Variants in FKBP1A observed in about 807,000 individuals in gnomAD.
The protein encoded by FKBP1A is FKBP prolyl isomerase 1A.
In FKBP1A, 5 loss-of-function variants were observed where a neutral mutation model predicts 14.2. The observed-to-expected ratio is 0.35, with a 90% CI of 0.18 to 0.74. The LOEUF (loss-of-function observed/expected upper bound fraction) is 0.74, where lower values mean the gene tolerates loss of function less well. Among genes scored for constraint, FKBP1A ranks in the 30% least tolerant of loss-of-function variants. FKBP1A has a pLI of 0.56. For synonymous variants in FKBP1A, 42 were observed against 49.1 expected (o/e 0.86, Z 0.60); for missense variants, 53 against 138.8 (o/e 0.38, Z 3.10).
chr20:1,386,296 G>A lies in FKBP1A; in HGVS notation c.85+6538C>T, dbSNP rs934035855. On this transcript the variant is annotated intron_variant, in intron 2 of 4. Coordinates refer to ENST00000400137, the MANE Select transcript of FKBP1A (RefSeq NM_000801.5). This position sits in a 1 kb window ranked among gnomAD's most constrained non-coding sequence, Gnocchi z 4.7. ...ATTGTAACTGACCACTCCCTACAGG[G>A]TAAGCTTCTTGAGGGCAACATTGAG... is the stretch of plus-strand genomic sequence containing the variant. Among the ~76,000 whole-genome samples, 2 of 152,190 alleles carry A rather than the reference G, an allele frequency of 1.3e-5. No individual in the cohort carries two copies. Among genetic ancestry groups the A allele is most frequent in the African/African-American group, 4.8e-5 (2 of 41,442 alleles).
chr20:1,381,394 C>T (rs1481203723), intron 2 of FKBP1A, among the ~76,000 whole-genome samples: 2 of 152,154 alleles, frequency 1.3e-5, no homozygotes, highest in Non-Finnish European at 2.9e-5. Flanking sequence ...ACGCATCTAC[C>T]ACCACTGATT....
intron 2 of FKBP1A, among the ~76,000 whole-genome samples, chr20:1,389,460 A>G (rs932458131): frequency 6.6e-6 from 1 of 152,074 alleles, no homozygotes; most frequent in Non-Finnish European, 1.5e-5. Flanking sequence ...AGCAGAGGAG[A>G]GGGGGGAACA....
At chr20:1,381,649 G>A (rs577424897) in intron 2 of FKBP1A, among the ~76,000 whole-genome samples, 5 of 152,308 alleles carry the variant, frequency 3.3e-5, no homozygotes, top group South Asian at 2.1e-4. Flanking sequence ...ATTTATTAGC[G>A]ATAGTCAAAA....
chr20:1,391,780 G>C (rs954402306), intron 2 of FKBP1A: 3 of 396,910 alleles, frequency 7.6e-6, no homozygotes, highest in African/African-American at 6.2e-5. Context: ...GGGAGGAGGA[G>C]GGGGAACAGA....
chr20:1,369,980 G>GATGT lies in FKBP1A; in HGVS notation c.*125_*128dup. ...TGACAGAACACATTCAGTCAGGGCA[G>GATGT]ATGTCTATACAAAGTGGAGTGGAAC... On this transcript the variant is annotated 3_prime_UTR_variant, in exon 5 of 5. Coordinates refer to ENST00000400137, the MANE Select transcript of FKBP1A (RefSeq NM_000801.5). 1 of 1,541,018 alleles carries GATGT rather than the reference G, an allele frequency of 6.5e-7. No individual in the cohort carries two copies. The highest frequency in any genetic ancestry group is 1.4e-5 in the African/African-American group (1 of 72,860).
intron 2 of FKBP1A, among the ~76,000 whole-genome samples, chr20:1,383,100 C>CTA (rs2089634264): frequency 6.6e-6 from 1 of 152,168 alleles, no homozygotes; most frequent in South Asian, 2.1e-4. Context: ...CACTGGGATA[C>CTA]TATTTCACTA....
chr20:1,370,103 A>G, intron 4 of FKBP1A, 31 bp from the exon 5 acceptor site: 4 of 1,543,728 alleles, frequency 2.6e-6, no homozygotes, highest in Non-Finnish European at 3.5e-6. Flanking sequence ...GTGAGTTTCC[A>G]GCAACTCAGT....
intron 2 of FKBP1A, among the ~76,000 whole-genome samples, chr20:1,391,324 T>A (rs1485818009): frequency 6.6e-6 from 1 of 152,142 alleles, no homozygotes; most frequent in African/African-American, 2.4e-5. Flanking sequence ...ATCCTTCCGA[T>A]GACAAATCAC....
chr20:1,391,549 C>T (rs1214282151), intron 2 of FKBP1A: 1 of 397,280 alleles, frequency 2.5e-6, no homozygotes, highest in Non-Finnish European at 4.4e-6. Flanking sequence ...CCATTTCTAC[C>T]CACGGGGAAG....
intron 2 of FKBP1A, among the ~76,000 whole-genome samples, chr20:1,390,033 A>G (rs1471581480): frequency 6.6e-6 from 1 of 152,154 alleles, no homozygotes; most frequent in Admixed American, 6.5e-5. Flanking sequence ...AAGGTCACGG[A>G]AGTCACCAGA....
chr20:1,389,462 G>A (rs144133074), intron 2 of FKBP1A, among the ~76,000 whole-genome samples: 9 of 152,226 alleles, frequency 5.9e-5, no homozygotes, highest in African/African-American at 1.9e-4. Flanking sequence ...CAGAGGAGAG[G>A]GGGGAACAAA....
At position 1,386,203 on chromosome 20, in the gene FKBP1A, C is replaced by A. The variant is rs915416430; in HGVS notation, c.85+6631G>T. ...CTCCTGCCTGACTGCACCATACACA[C>A]CCAAGACCAAATGGCACTTCCTCCA... On this transcript the variant is annotated intron_variant, in intron 2 of 4. Transcript: ENST00000400137. This position sits in a 1 kb window ranked among gnomAD's most constrained non-coding sequence, Gnocchi z 4.7. Among the ~76,000 whole-genome samples the A allele has an allele frequency of 2.6e-5, 4 of 152,220 alleles. No homozygotes were observed. The highest frequency in any genetic ancestry group is 9.6e-5 in the African/African-American group (4 of 41,464).
intron 2 of FKBP1A, chr20:1,377,193 A>C (rs2089555941): frequency 6.6e-6 from 1 of 152,258 alleles, no homozygotes; most frequent in African/African-American, 2.4e-5. Context: ...AACCTAAAAA[A>C]CAGTGTCAAC....
chr20:1,392,303 C>A (rs897151283), intron 2 of FKBP1A, among the ~76,000 whole-genome samples: 4 of 152,184 alleles, frequency 2.6e-5, no homozygotes, highest in Admixed American at 6.5e-5. Context: ...GGATGTTTCC[C>A]CACCCTAGGC....
chr20:1,375,056 C>T (rs1290591291), intron 3 of FKBP1A, among the ~76,000 whole-genome samples: 4 of 152,098 alleles, frequency 2.6e-5, no homozygotes, highest in Non-Finnish European at 2.9e-5. Context: ...AGGCTGGTCT[C>T]GAACTCCGGA....
In FKBP1A at chr20:1,391,828, G is replaced by A. The variant is rs1415781197; in HGVS notation, c.85+1006C>T. 3 of 392,430 alleles carry A rather than the reference G, an allele frequency of 7.6e-6. No individual in the cohort carries two copies. In the Admixed American group the frequency reaches 1.3e-4, roughly 17 times the overall value. The allele number at this position is 392,430 out of a possible 1,614,324, so 24.3% of individuals were successfully genotyped here. ...AAGGTTGAGAAAGGGGAAGGAGGAG[G>A]GGGAGGGAAGGTTATTCGTATCAAC... On this transcript the variant is annotated intron_variant, in intron 2 of 4. Transcript: ENST00000400137.
intron 3 of FKBP1A, chr20:1,375,220 G>C (rs1392144975): frequency 3.2e-5 from 18 of 571,210 alleles, no homozygotes; most frequent in African/African-American, 1.9e-5. Flanking sequence ...TAGTGGTATT[G>C]CAAGTGTCAA....
Position 1,379,713 on chromosome 20 carries a change from G to A in FKBP1A, c.86-4110C>T, listed in dbSNP as rs2089595652. On this transcript the variant is annotated intron_variant, in intron 2 of 4. Transcript: ENST00000400137. This position sits in a 1 kb window ranked among gnomAD's most constrained non-coding sequence, Gnocchi z 4.3. Reference sequence around the variant, plus strand: ...AGGGTTGGGTGGTGGCAGTGATGTTGGGGTTCCTTGAGTCCAAGGAGAGGA... The same window carrying A: ...AGGGTTGGGTGGTGGCAGTGATGTTAGGGTTCCTTGAGTCCAAGGAGAGGA... Among the ~76,000 whole-genome samples the A allele has an allele frequency of 6.6e-6, 1 of 152,144 alleles. No individual in the cohort carries two copies. Among genetic ancestry groups the A allele is most frequent in the African/African-American group, 2.4e-5 (1 of 41,430 alleles).
rs2089593612 is a variant in FKBP1A, at chr20:1,379,522, T to TA, written c.86-3920dup. On this transcript the variant is annotated intron_variant, in intron 2 of 4. Coordinates refer to ENST00000400137, the MANE Select transcript of FKBP1A (RefSeq NM_000801.5). This position sits in a 1 kb window ranked among gnomAD's most constrained non-coding sequence, Gnocchi z 4.3. The stretch of plus-strand genomic sequence containing the variant: ...AAAGCCAGGAAGCAGGATTTCTAAG[T>TA]AAAGGAGCTTTAAACAGGACCTTTG... Among the ~76,000 whole-genome samples the TA allele has an allele frequency of 6.6e-6, 1 of 151,836 alleles. No individual in the cohort carries two copies. The highest frequency in any genetic ancestry group is 2.4e-5 in the African/African-American group (1 of 41,402).
Sources: allele counts gnomAD v4.1 joint callset (sites outside exome capture counted in the v4.1 genomes callset), GRCh38; gene constraint gnomAD v4.1.1; non-coding constraint Gnocchi (gnomAD v3.1); transcripts MANE v1.5; gene names NCBI Gene and HGNC (gene_info 2026-07-23, HGNC 2026-07-21).